The following MTHFD1L variants were observed in gnomAD, a reference collection of about 807,000 sequenced individuals.
The protein encoded by MTHFD1L is methylenetetrahydrofolate dehydrogenase (NADP+ dependent) 1 like, also known as monofunctional C1-tetrahydrofolate synthase, mitochondrial.
A neutral mutation model predicts 119.5 loss-of-function variants in MTHFD1L; 81 were observed. The ratio of observed to expected loss-of-function variants is 0.68; its 90% CI spans 0.57 to 0.82. MTHFD1L has a LOEUF of 0.82. Ranked by LOEUF, MTHFD1L falls within the 40% of genes least tolerant of loss-of-function variation. The pLI, the probability that MTHFD1L is intolerant of heterozygous loss-of-function variation, is 0.00. For missense variants in MTHFD1L, 1,125 were observed against 1,253.4 expected, an observed-to-expected ratio of 0.90 and a Z score of 1.55; for synonymous variants, 430 against 475.2, an observed-to-expected ratio of 0.90 and a Z score of 1.24.
At chr6:150,913,786 G>C (rs879454883) in intron 8 of MTHFD1L, among the ~76,000 whole-genome samples, 1 of 152,074 alleles carries the variant, frequency 6.6e-6, no homozygotes, top group East Asian at 1.9e-4. Context: ...TTGAGCTCAC[G>C]AGTTCGAGAC....
chr6:151,015,374 T>C, intron 23 of MTHFD1L, 142 bp from the exon 24 acceptor site: 1 of 933,462 alleles, frequency 1.1e-6, no homozygotes, highest in Non-Finnish European at 1.6e-6. Flanking sequence ...AAGTCTGATT[T>C]ATTTAAACAC....
chr6:150,964,728 A>G (rs1424526274), intron 18 of MTHFD1L, among the ~76,000 whole-genome samples: 1 of 152,230 alleles, frequency 6.6e-6, no homozygotes, highest in Non-Finnish European at 1.5e-5. Flanking sequence ...AGGTTTTGGA[A>G]GAAGGTCAAA....
At chr6:150,877,720 T>A in intron 3 of MTHFD1L, 36 bp downstream of exon 3, 1 of 1,614,208 alleles carries the variant, frequency 6.2e-7, no homozygotes, top group Non-Finnish European at 8.5e-7. Context: ...TCACTATAAC[T>A]TTTAACAATA....
At chr6:151,084,958 C>T (rs28639898) in intron 26 of MTHFD1L, among the ~76,000 whole-genome samples, 77 of 118,016 alleles carry the variant, frequency 6.5e-4, no homozygotes, top group Non-Finnish European at 1.2e-3. Flanking sequence ...CAGAGTGAGA[C>T]TCCATCTCAA....
chr6:151,006,431 A>C (rs1781402013), intron 20 of MTHFD1L, among the ~76,000 whole-genome samples: 1 of 152,106 alleles, frequency 6.6e-6, no homozygotes, highest in Non-Finnish European at 1.5e-5. Flanking sequence ...GGGAGTGTGA[A>C]GGAAGATGAA....
At chr6:151,063,577 T>C (rs1164313871) in intron 26 of MTHFD1L, among the ~76,000 whole-genome samples, 1 of 152,220 alleles carries the variant, frequency 6.6e-6, no homozygotes, top group Non-Finnish European at 1.5e-5. Context: ...CTTATGCAGA[T>C]GTAAGGGCGG....
At chr6:151,099,575 C>A in intron 27 of MTHFD1L, 2 of 1,607,736 alleles carry the variant, frequency 1.2e-6, no homozygotes, top group Non-Finnish European at 8.5e-7. Context: ...AAAAAGAGAA[C>A]CAAGAAGTTC....
chr6:150,924,851 T>C (rs1175128654), intron 10 of MTHFD1L, among the ~76,000 whole-genome samples: 1 of 152,108 alleles, frequency 6.6e-6, no homozygotes, highest in African/African-American at 2.4e-5. Context: ...AGAAAAAAAC[T>C]ATGGCCAGGA....
intron 26 of MTHFD1L, among the ~76,000 whole-genome samples, chr6:151,048,171 G>T (rs1985154): frequency 0.027 from 4,180 of 152,240 alleles, 116 homozygotes; most frequent in Admixed American, 0.094. Flanking sequence ...CCAAACCATA[G>T]CACATGCCTT....
chr6:150,893,654 G>A (rs140641553), intron 7 of MTHFD1L, among the ~76,000 whole-genome samples: 15 of 152,232 alleles, frequency 9.9e-5, no homozygotes, highest in Non-Finnish European at 1.8e-4. Flanking sequence ...TTTGGGCATC[G>A]GTGTGACTGT....
chr6:151,094,449 G>A (rs902832317), intron 27 of MTHFD1L, among the ~76,000 whole-genome samples: 2 of 152,166 alleles, frequency 1.3e-5, no homozygotes, highest in Non-Finnish European at 2.9e-5. Flanking sequence ...TGCAACCTCC[G>A]CCTCCCGGGT....
chr6:151,000,335 CA>C (rs946814251), intron 20 of MTHFD1L, among the ~76,000 whole-genome samples: 4,723 of 75,272 alleles, frequency 0.063, 101 homozygotes, highest in African/African-American at 0.12. Context: ...GACTCTGTCT[CA>C]AAAAAAAAAA....
At chr6:150,969,277 C>G (rs955877530) in intron 19 of MTHFD1L, among the ~76,000 whole-genome samples, 2 of 152,200 alleles carry the variant, frequency 1.3e-5, no homozygotes, top group Admixed American at 1.3e-4. Flanking sequence ...CCACCGTGCC[C>G]GGCCTGAGCA....
rs1349156912 is a variant in MTHFD1L at position 151,034,364 on chromosome 6, C to A, written c.2587-129C>A. ...GGAAAAAAGAGGGTTTGCTAGGAATCCTGCAGTTGCTGAGGGGGTACTCTG... is the reference window on the plus strand; with the variant it reads ...GGAAAAAAGAGGGTTTGCTAGGAATACTGCAGTTGCTGAGGGGGTACTCTG... On this transcript the variant is annotated intron_variant, in intron 24 of 27. Transcript: ENST00000367321. The A allele has an allele frequency of 2.4e-5, 16 of 658,618 alleles. No homozygotes were observed. In the South Asian group the frequency reaches 3.1e-4, roughly 13 times the overall value. 40.8% of individuals were successfully genotyped at this position (658,618 alleles called of 1,614,324 possible).
At chr6:151,049,308 A>G (rs1320719642) in intron 26 of MTHFD1L, among the ~76,000 whole-genome samples, 2 of 152,114 alleles carry the variant, frequency 1.3e-5, no homozygotes, top group African/African-American at 2.4e-5. Flanking sequence ...TGGCTAACAC[A>G]GTGAAACCCT....
At chr6:151,023,023 T>TGTTG (rs770691159) in intron 24 of MTHFD1L, among the ~76,000 whole-genome samples, 86 of 151,006 alleles carry the variant, frequency 5.7e-4, no homozygotes, top group Non-Finnish European at 1.2e-3. Flanking sequence ...TTTTTTTGTT[T>TGTTG]GTTGGTTGGT....
chr6:150,904,046 C>G (rs567541207), intron 7 of MTHFD1L, among the ~76,000 whole-genome samples: 1 of 152,158 alleles, frequency 6.6e-6, no homozygotes, highest in South Asian at 2.1e-4. Context: ...GTAGGACTGT[C>G]ATGGGTTTGC....
chr6:151,002,766 T>C (rs546993751), intron 20 of MTHFD1L, among the ~76,000 whole-genome samples: 1 of 152,216 alleles, frequency 6.6e-6, no homozygotes, highest in Non-Finnish European at 1.5e-5. Context: ...CTGCCTAGCA[T>C]GTAGTGCATT....
At chr6:150,909,421 T>C (rs1583498399) in intron 8 of MTHFD1L, among the ~76,000 whole-genome samples, 1 of 152,074 alleles carries the variant, frequency 6.6e-6, no homozygotes, top group African/African-American at 2.4e-5. Flanking sequence ...TTTTTTGTTG[T>C]TGTTGAGGCA....
Sources: allele counts gnomAD v4.1 joint callset (sites outside exome capture counted in the v4.1 genomes callset), GRCh38; gene constraint gnomAD v4.1.1; transcripts MANE v1.5; gene names NCBI Gene and HGNC (gene_info 2026-07-23, HGNC 2026-07-21).